Variants in PPL observed in about 807,000 individuals in gnomAD.
PPL encodes 190 kDa paraneoplastic pemphigus antigen.
Under a neutral mutation model 194.4 loss-of-function variants are expected in PPL, and 198 were observed. The ratio of observed to expected loss-of-function variants is 1.02; its 90% CI spans 0.91 to 1.15. The LOEUF (loss-of-function observed/expected upper bound fraction) is 1.15. Ranked by LOEUF, PPL falls within the 50% of genes most tolerant of loss-of-function variation. The pLI is 0.00. For synonymous variants in PPL, 1,220 were observed against 972.4 expected (o/e 1.25, Z -4.74); for missense variants, 2,885 against 2,294.8 (o/e 1.26, Z -5.25).
At chr16:4,896,639 G>GTT (rs1387761941) in intron 9 of PPL, among the ~76,000 whole-genome samples, 1,390 of 129,676 alleles carry the variant, frequency 0.011, 34 homozygotes, top group African/African-American at 0.035. Flanking sequence ...GTACGGGGTT[G>GTT]TTTTTTTTTT....
Position 4,883,831 on chromosome 16 carries a change from A to C in PPL, c.4824T>G (p.His1608Gln), listed in dbSNP as rs1303405802. 2 of 1,614,058 alleles carry C rather than the reference A, an allele frequency of 1.2e-6. No individual in the cohort carries two copies. Among genetic ancestry groups the C allele is most frequent in the Admixed American group, 1.7e-5 (1 of 60,022 alleles). The change falls in exon 22 of 22, where the codon CAT (histidine) becomes CAG (glutamine). Residue 1608 changes from histidine (H) to glutamine (Q), a missense_variant. Transcript: ENST00000345988. This position sits in a 1 kb window ranked among gnomAD's most constrained non-coding sequence, Gnocchi z 4.8. ...NMTVADSGTN[H>Q]DSRLWSLERE... ...TCTCCAGGGACCACAGTCTGGAGTC[A>C]TGGTTGGTCCCAGAGTCCGCCACGG...
chr16:4,904,882 G>A (rs963848419), intron 2 of PPL, among the ~76,000 whole-genome samples: 1 of 150,786 alleles, frequency 6.6e-6, no homozygotes, highest in Non-Finnish European at 1.5e-5. Context: ...GAACAGAGCC[G>A]GGGGGATATC....
At chr16:4,918,849 A>G (rs528557578) in intron 1 of PPL, among the ~76,000 whole-genome samples, 2 of 152,292 alleles carry the variant, frequency 1.3e-5, no homozygotes, top group East Asian at 3.9e-4. Flanking sequence ...TGGGTGGGGC[A>G]GGAACCTGCA....
intron 1 of PPL, among the ~76,000 whole-genome samples, chr16:4,930,602 T>C (rs973682444): frequency 5.9e-5 from 9 of 152,184 alleles, no homozygotes; most frequent in Admixed American, 5.2e-4. Flanking sequence ...CACAGCCACA[T>C]GTGGCTACCC....
chr16:4,906,035 G>C (rs532094742), intron 2 of PPL, among the ~76,000 whole-genome samples: 6 of 152,060 alleles, frequency 3.9e-5, no homozygotes, highest in Non-Finnish European at 8.8e-5. Flanking sequence ...TTGAGTCCAG[G>C]AGTTCAAGGC....
At chr16:4,909,248 G>C (rs1334180172) in intron 2 of PPL, among the ~76,000 whole-genome samples, 1 of 152,168 alleles carries the variant, frequency 6.6e-6, no homozygotes, top group East Asian at 1.9e-4. Context: ...CCACCTACCC[G>C]CTTGGGTCTC....
Position 4,885,220 on chromosome 16 carries a change from G to A in PPL, c.3435C>T (p.Arg1145=), listed in dbSNP as rs1318004859. The A allele has an allele frequency of 1.9e-6, 3 of 1,613,818 alleles. No individual in the cohort carries two copies. Among genetic ancestry groups the A allele is most frequent in the South Asian group, 2.2e-5 (2 of 91,066 alleles). The change falls in exon 22 of 22, where the codon CGC becomes CGT. Residue 1145 remains arginine, a synonymous_variant. Transcript: ENST00000345988. This position sits in a 1 kb window ranked among gnomAD's most constrained non-coding sequence, Gnocchi z 6.3. ...RQYEDEAAKA[R]ASQREKTELL... Reference sequence around the variant, plus strand: ...GCTCCGTCTTCTCCCTCTGGCTAGCGCGAGCCTTGGCAGCCTCGTCCTCAT... The same window carrying A: ...GCTCCGTCTTCTCCCTCTGGCTAGCACGAGCCTTGGCAGCCTCGTCCTCAT...
chr16:4,912,365 C>T (rs1438129531), intron 1 of PPL, among the ~76,000 whole-genome samples: 1 of 152,262 alleles, frequency 6.6e-6, no homozygotes, highest in East Asian at 1.9e-4. Flanking sequence ...GTGCATATTG[C>T]AGCATCTATT....
chr16:4,892,485 G>A (rs761161789), intron 14 of PPL, among the ~76,000 whole-genome samples: 1 of 152,218 alleles, frequency 6.6e-6, no homozygotes, highest in Non-Finnish European at 1.5e-5. Context: ...AGCACTGCAC[G>A]CGGACGCTTC....
intron 1 of PPL, among the ~76,000 whole-genome samples, chr16:4,922,737 G>T (rs1031251727): frequency 6.6e-6 from 1 of 151,960 alleles, no homozygotes; most frequent in Non-Finnish European, 1.5e-5. Context: ...GAATCCTCCA[G>T]CACCTGGGAG....
rs1568013243 is a variant in PPL, at chr16:4,899,471, A to ATGGG, written c.607-88_607-87insCCCA. On this transcript the variant is annotated intron_variant, in intron 6 of 21. Coordinates refer to ENST00000345988, the MANE Select transcript of PPL (RefSeq NM_002705.5). The stretch of plus-strand genomic sequence containing the variant: ...TCCCTACCTCCTGCAGGGCCCAGCT[A>ATGGG]TGGCTGGCCTGAGGACAAGCCCAGC... 5 of 1,509,554 alleles carry ATGGG rather than the reference A, an allele frequency of 3.3e-6. No individual in the cohort carries two copies. The South Asian group carries it at 5.2e-5, about 16-fold the overall frequency. The allele number at this position is 1,509,554 out of a possible 1,614,324, so 93.5% of individuals were successfully genotyped here. A position where few individuals can be genotyped will look rare whatever the true frequency, so the allele number is the denominator to read the frequency against.
chr16:4,896,963 G>A (rs1397276336), intron 9 of PPL, among the ~76,000 whole-genome samples: 4 of 151,966 alleles, frequency 2.6e-5, no homozygotes, highest in Admixed American at 2.6e-4. Context: ...TTGGGGTGAT[G>A]GAAAGTTTTG....
intron 2 of PPL, among the ~76,000 whole-genome samples, chr16:4,904,758 T>A (rs2088649971): frequency 6.6e-6 from 1 of 151,782 alleles, no homozygotes; most frequent in Admixed American, 6.6e-5. Flanking sequence ...CATTTGTGCT[T>A]AAAGGCGATG....
intron 1 of PPL, among the ~76,000 whole-genome samples, chr16:4,922,621 C>T (rs908742782): frequency 7.2e-5 from 11 of 152,162 alleles, no homozygotes; most frequent in Admixed American, 5.9e-4. Flanking sequence ...GAGACTGTGC[C>T]ACTGCACTCC....
intron 10 of PPL, 90 bp downstream of exon 10, chr16:4,895,504 G>T: frequency 6.2e-7 from 1 of 1,603,662 alleles, no homozygotes; most frequent in South Asian, 1.1e-5. Flanking sequence ...GTGGGGTGCT[G>T]TGGAGGGGCC....
intron 1 of PPL, among the ~76,000 whole-genome samples, chr16:4,928,857 A>G (rs564066290): frequency 1.4e-4 from 22 of 152,102 alleles, no homozygotes; most frequent in Admixed American, 3.3e-4. Context: ...CTAAAAATAC[A>G]AAATATAGCC....
chr16:4,911,498 T>G (rs1306122111), intron 1 of PPL, among the ~76,000 whole-genome samples: 1 of 151,264 alleles, frequency 6.6e-6, no homozygotes, highest in Admixed American at 6.6e-5. Flanking sequence ...ATGCTTCTAT[T>G]TTTTATTTTT....
intron 6 of PPL, 94 bp from the exon 7 acceptor site, chr16:4,899,478 G>GCCTGAGGACAAGCCCAGCTATGGGTGT (rs1228474673): frequency 1.3e-4 from 194 of 1,485,744 alleles, no homozygotes; most frequent in Middle Eastern, 9.5e-4. Flanking sequence ...GCTATGGCTG[G>GCCTGAGGACAAGCCCAGCTATGGGTGT]CCTGAGGACA....
intron 1 of PPL, among the ~76,000 whole-genome samples, chr16:4,912,174 C>T (rs147737545): frequency 1.3e-5 from 2 of 152,286 alleles, no homozygotes; most frequent in Non-Finnish European, 2.9e-5. Context: ...TTTTTATCAC[C>T]CCAAAGCTCC....
Sources: allele counts gnomAD v4.1 joint callset (sites outside exome capture counted in the v4.1 genomes callset), GRCh38; gene constraint gnomAD v4.1.1; non-coding constraint Gnocchi (gnomAD v3.1); transcripts MANE v1.5; gene names NCBI Gene and HGNC (gene_info 2026-07-23, HGNC 2026-07-21).